The following RPS6KC1 variants were observed in gnomAD, a reference collection of about 807,000 sequenced individuals.
RPS6KC1 encodes ribosomal protein S6 kinase C1, also known as inactive ribosomal protein S6 kinase delta-1.
RPS6KC1 carries 54 observed loss-of-function variants against 103.8 expected under a neutral mutation model. The observed-to-expected ratio is 0.52, with a 90% confidence interval of 0.42 to 0.65. The LOEUF is 0.65. Among genes scored for constraint, RPS6KC1 ranks in the 30% least tolerant of loss-of-function variants. RPS6KC1 has a pLI of 0.00. For missense variants in RPS6KC1, 1,151 were observed against 1,253.8 expected (o/e 0.92, Z 1.24); for synonymous variants, 439 against 438.7 (o/e 1.00, Z -0.01).
intron 3 of RPS6KC1, among the ~76,000 whole-genome samples, chr1:213,086,130 C>T (rs894600904): frequency 4.6e-5 from 7 of 152,124 alleles, no homozygotes; most frequent in South Asian, 4.1e-4. Context: ...TGTCAGATCT[C>T]CTTTTCCAGC....
At chr1:213,690,877 G>C in the RPS6KC1 span, among the ~76,000 whole-genome samples, 1 of 152,072 alleles carries the variant, frequency 6.6e-6, no homozygotes, top group Non-Finnish European at 1.5e-5. Flanking sequence ...GCTATAAAAG[G>C]GCTTTCTGCT....
At chr1:213,835,634 C>T in the RPS6KC1 span, among the ~76,000 whole-genome samples, 1 of 152,192 alleles carries the variant, frequency 6.6e-6, no homozygotes, top group Non-Finnish European at 1.5e-5. Context: ...GGAAGAGATC[C>T]TTTTCTCCAG....
chr1:213,160,671 TA>T (rs1191161460), intron 6 of RPS6KC1, among the ~76,000 whole-genome samples: 1 of 92,074 alleles, frequency 1.1e-5, no homozygotes, highest in Non-Finnish European at 2.6e-5. Flanking sequence ...TATGCAGCCA[TA>T]AAAAAGGATG....
At chr1:213,304,649 T>G in the RPS6KC1 span, among the ~76,000 whole-genome samples, 1 of 152,044 alleles carries the variant, frequency 6.6e-6, no homozygotes, top group South Asian at 2.1e-4. Flanking sequence ...TTCAAGCGAT[T>G]CTCTTGCCTT....
At chr1:213,478,188 G>T in the RPS6KC1 span, among the ~76,000 whole-genome samples, 1 of 151,996 alleles carries the variant, frequency 6.6e-6, no homozygotes, top group Non-Finnish European at 1.5e-5. Flanking sequence ...TTTTATGACT[G>T]GATAGCTCAT....
the RPS6KC1 span, among the ~76,000 whole-genome samples, chr1:213,300,255 TCAGCTGTAATAGCA>T: frequency 1.1e-4 from 17 of 152,218 alleles, no homozygotes; most frequent in Non-Finnish European, 2.2e-4. Context: ...TTTCAGGTCT[TCAGCTGTAATAGCA>T]ACTTTTCACT....
rs114254044 is a variant in RPS6KC1 at position 213,138,426 on chromosome 1, C to T, written c.835+8537C>T. ...CGTTACATAGGTAAATTGTGTGTCACAGGAGTTGGTGTGCAGATAATTTTG... is the reference window on the plus strand; with the variant it reads ...CGTTACATAGGTAAATTGTGTGTCATAGGAGTTGGTGTGCAGATAATTTTG... On this transcript the variant is annotated intron_variant, in intron 6 of 14. Transcript: ENST00000366960. Among the ~76,000 whole-genome samples, 528 of 152,174 alleles carry T rather than the reference C, an allele frequency of 3.5e-3. 2 individuals carry two copies. Among genetic ancestry groups the T allele is most frequent in the African/African-American group, 0.012 (503 of 41,526 alleles).
the RPS6KC1 span, among the ~76,000 whole-genome samples, chr1:213,728,948 G>GTTT: frequency 1.1e-5 from 1 of 91,288 alleles, no homozygotes; most frequent in South Asian, 4.0e-4. Context: ...TTTTTTTTTT[G>GTTT]TTTTTTTTTT....
intron 6 of RPS6KC1, among the ~76,000 whole-genome samples, chr1:213,135,360 A>G (rs1236331663): frequency 6.6e-6 from 1 of 152,122 alleles, no homozygotes; most frequent in African/African-American, 2.4e-5. Context: ...ATATGGTTGG[A>G]AAAGAGGGAC....
the RPS6KC1 span, among the ~76,000 whole-genome samples, chr1:213,602,822 G>A: frequency 1.3e-5 from 2 of 152,134 alleles, no homozygotes; most frequent in Non-Finnish European, 2.9e-5. Context: ...TAGAGTTTGG[G>A]GGCTTTATTT....
At chr1:213,531,773 A>T in the RPS6KC1 span, among the ~76,000 whole-genome samples, 1 of 152,274 alleles carries the variant, frequency 6.6e-6, no homozygotes, top group South Asian at 2.1e-4. Context: ...AAGGCTGTGT[A>T]TGTATTGAAT....
chr1:213,615,348 A>G, the RPS6KC1 span, among the ~76,000 whole-genome samples: 2 of 152,216 alleles, frequency 1.3e-5, no homozygotes, highest in African/African-American at 4.8e-5. Context: ...GGGCTTTTGC[A>G]TTGGCCAATG....
intron 14 of RPS6KC1, among the ~76,000 whole-genome samples, 196 bp from the exon 15 acceptor site, chr1:213,272,328 A>C (rs1007532357): frequency 6.6e-6 from 1 of 152,220 alleles, no homozygotes; most frequent in African/African-American, 2.4e-5. Context: ...CCATAAACTC[A>C]GTTCAGGTGT....
the RPS6KC1 span, among the ~76,000 whole-genome samples, chr1:213,488,582 G>A: frequency 6.6e-6 from 1 of 152,196 alleles, no homozygotes; most frequent in Admixed American, 6.5e-5. Flanking sequence ...AGACCCAAAT[G>A]TCCTCTAGAG....
chr1:213,341,444 A>G, the RPS6KC1 span, among the ~76,000 whole-genome samples: 1 of 152,210 alleles, frequency 6.6e-6, no homozygotes, highest in African/African-American at 2.4e-5. Flanking sequence ...ACTTCTGGGA[A>G]CTCATGGTAT....
chr1:213,762,790 C>T, the RPS6KC1 span, among the ~76,000 whole-genome samples: 67 of 152,108 alleles, frequency 4.4e-4, no homozygotes, highest in African/African-American at 1.5e-3. Context: ...TTTAAGATAA[C>T]CCAGGCTTAA....
chr1:213,842,104 C>G, the RPS6KC1 span: 38 of 152,390 alleles, frequency 2.5e-4, no homozygotes, highest in African/African-American at 9.1e-4. Flanking sequence ...CAGGAGGGCT[C>G]CAGTTTCTCC....
At chr1:213,427,764 G>C in the RPS6KC1 span, among the ~76,000 whole-genome samples, 4 of 152,164 alleles carry the variant, frequency 2.6e-5, no homozygotes, top group African/African-American at 9.7e-5. Flanking sequence ...AAATGTTCTC[G>C]TGTTAGCTAT....
chr1:213,376,582 C>G, the RPS6KC1 span, among the ~76,000 whole-genome samples: 1 of 151,908 alleles, frequency 6.6e-6, no homozygotes, highest in Admixed American at 6.6e-5. Context: ...TGATGCAAAC[C>G]GTTCCTCCGA....
Sources: allele counts gnomAD v4.1 joint callset (sites outside exome capture counted in the v4.1 genomes callset), GRCh38; gene constraint gnomAD v4.1.1; transcripts MANE v1.5; gene names NCBI Gene and HGNC (gene_info 2026-07-23, HGNC 2026-07-21).